The following NAA30 variants were observed in gnomAD, a reference collection of about 807,000 sequenced individuals.
NAA30 encodes the protein N-alpha-acetyltransferase 30.
NAA30 carries 5 observed loss-of-function variants against 31.4 expected under a neutral mutation model. The ratio of observed to expected loss-of-function variants is 0.16; its 90% confidence interval spans 0.08 to 0.33. The LOEUF (loss-of-function observed/expected upper bound fraction) is 0.33, where lower values mean the gene tolerates loss of function less well. NAA30 is among the 10% of genes least tolerant of loss of function. The probability of loss-of-function intolerance (pLI) is 1.00; values close to 1 mark genes in which losing one functional copy is unlikely to be tolerated. For missense variants in NAA30, 428 were observed against 490.8 expected, an observed-to-expected ratio of 0.87 and a Z score of 1.21; for synonymous variants, 222 against 207.1, an observed-to-expected ratio of 1.07 and a Z score of -0.62.
chr14:57,407,520 A>G (rs1263095940), intron 4 of NAA30, among the ~76,000 whole-genome samples: 1 of 152,202 alleles, frequency 6.6e-6, no homozygotes, highest in Non-Finnish European at 1.5e-5. Flanking sequence ...AGAGGAGGAT[A>G]GGAAGAGCAT....
At chr14:57,393,757 A>G (rs1281139685) in intron 2 of NAA30, among the ~76,000 whole-genome samples, 2 of 152,058 alleles carry the variant, frequency 1.3e-5, no homozygotes, top group Non-Finnish European at 2.9e-5. Flanking sequence ...GATTGAAAAG[A>G]AGTTAAGAAC....
chr14:57,399,502 C>T (rs182119876), intron 3 of NAA30, among the ~76,000 whole-genome samples: 2 of 152,286 alleles, frequency 1.3e-5, no homozygotes, highest in Non-Finnish European at 2.9e-5. Context: ...TCTGGCCATA[C>T]CATATCTTGT....
rs1876121921 is a variant in NAA30 at position 57,410,237 on chromosome 14, T to C, written c.*721T>C. 6.6e-6 allele frequency: 1 copy of C among 152,650 alleles called. No homozygotes were observed. Among genetic ancestry groups the C allele is most frequent in the Admixed American group, 6.5e-5 (1 of 15,282 alleles). 9.5% of individuals were successfully genotyped at this position (152,650 alleles called of 1,614,324 possible). ...TTATTTCAGATTTTTATAATTTGGA[T>C]ACTTTTTTCAGGTGAATGAAAGAAT... On this transcript the variant is annotated 3_prime_UTR_variant, in exon 5 of 5. Coordinates refer to ENST00000556492, the MANE Select transcript of NAA30 (RefSeq NM_001011713.3).
chr14:57,403,508 T>C (rs991125434), intron 4 of NAA30, among the ~76,000 whole-genome samples: 1 of 152,234 alleles, frequency 6.6e-6, no homozygotes, highest in African/African-American at 2.4e-5. Flanking sequence ...TCCCAACTTT[T>C]CATATCAGAA....
At chr14:57,405,343 T>TA (rs537952446) in intron 4 of NAA30, among the ~76,000 whole-genome samples, 125 of 151,928 alleles carry the variant, frequency 8.2e-4, no homozygotes, top group African/African-American at 2.8e-3. Context: ...TTTCCCCCAT[T>TA]ATAAAAGGTT....
chr14:57,391,494 G>A lies in NAA30; in HGVS notation c.537G>A (p.Glu179=), dbSNP rs781153687. The A allele has an allele frequency of 1.4e-5, 22 of 1,613,140 alleles. 1 individual carries two copies. In the South Asian group the frequency reaches 2.2e-4, roughly 16 times the overall value. ...AGGGCACCGAGCAGGAGGAGGAGGA[G>A]GAAGACGAGCAGGTGCGGCTGCTGT... ...LAEGTEQEEE[E]EDEQVRLLSS... Residue 179 remains glutamate, a synonymous_variant, in exon 2 of 5, where the codon GAG becomes GAA. Coordinates refer to ENST00000556492, the MANE Select transcript of NAA30 (RefSeq NM_001011713.3). This position sits in a 1 kb window ranked among gnomAD's most constrained non-coding sequence, Gnocchi z 4.1.
At chr14:57,405,033 G>A (rs1165436416) in intron 4 of NAA30, among the ~76,000 whole-genome samples, 3 of 151,938 alleles carry the variant, frequency 2.0e-5, no homozygotes, top group Admixed American at 6.6e-5. Flanking sequence ...TGTAACTTGC[G>A]GCAGACTGTT....
At position 57,391,132 on chromosome 14, in the gene NAA30, G is replaced by T; in HGVS notation, c.175G>T (p.Gly59Ter). 1 of 1,579,024 alleles carries T rather than the reference G, an allele frequency of 6.3e-7. No individual in the cohort carries two copies. Residue 59 changes from glycine to a stop codon, truncating the protein, a stop_gained, in exon 2 of 5, where the codon GGA becomes TGA. Coordinates refer to ENST00000556492, the MANE Select transcript of NAA30 (RefSeq NM_001011713.3). LOFTEE classifies it high-confidence loss of function. This position sits in a 1 kb window ranked among gnomAD's most constrained non-coding sequence, Gnocchi z 4.1. Reference sequence around the variant, plus strand: ...CGGCGGCAGCAGGAGCCCGGCGGGCGGAGAGTCGGCGACGGTGGCGGCCAA... The same window carrying T: ...CGGCGGCAGCAGGAGCCCGGCGGGCTGAGAGTCGGCGACGGTGGCGGCCAA... ...EGGGSRSPAG[G>*]ESATVAAKGH... is the part of the protein sequence containing the mutation.
At position 57,411,864 on chromosome 14, in the gene NAA30, G is replaced by C. The variant is rs1007729555; in HGVS notation, c.*2348G>C. 5 of 152,114 alleles carry C rather than the reference G, an allele frequency of 3.3e-5. No individual in the cohort carries two copies. The highest frequency in any genetic ancestry group is 1.2e-4 in the African/African-American group (5 of 41,428). The allele number at this position is 152,114 out of a possible 1,614,324, so 9.4% of individuals were successfully genotyped here. A position where few individuals can be genotyped will look rare whatever the true frequency, so the allele number is the denominator to read the frequency against. The stretch of plus-strand genomic sequence containing the variant: ...AACAGTAATTTACTTTTTGATAATA[G>C]GCTGTTGTTTTTCTTAAATAAGCTT... On this transcript the variant is annotated 3_prime_UTR_variant, in exon 5 of 5. Coordinates refer to ENST00000556492, the MANE Select transcript of NAA30 (RefSeq NM_001011713.3).
chr14:57,414,760 GCATAGTAAACACCTGGA>G lies in NAA30; in HGVS notation c.*5247_*5263del, dbSNP rs11268609. On this transcript the variant is annotated 3_prime_UTR_variant, in exon 5 of 5. Coordinates refer to ENST00000556492, the MANE Select transcript of NAA30 (RefSeq NM_001011713.3). ...TAGTTCATCAAAAGAGCAGAAATAG[GCATAGTAAACACCTGGA>G]CACAAAGACAGTGCCAGGCTTGGTA... is the stretch of plus-strand genomic sequence containing the variant. 106,294 of 152,094 alleles carry G rather than the reference GCATAGTAAACACCTGGA, an allele frequency of 0.7. 44,047 individuals are homozygous for G. Among genetic ancestry groups the G allele is most frequent in the Non-Finnish European group, 0.89 (60,538 of 67,954 alleles). The allele number at this position is 152,094 out of a possible 1,614,324, so 9.4% of individuals were successfully genotyped here. A position where few individuals can be genotyped will look rare whatever the true frequency, so the allele number is the denominator to read the frequency against.
chr14:57,402,137 T>C (rs1468654802), intron 4 of NAA30, among the ~76,000 whole-genome samples: 1 of 152,240 alleles, frequency 6.6e-6, no homozygotes, highest in East Asian at 1.9e-4. Context: ...GTTTACTCTT[T>C]AGAAGATATG....
rs953735653 is a variant in NAA30 at position 57,390,809 on chromosome 14, G to T, written c.-2+104G>T. ...GCTGGGCGGCGCTGAAGAGCGGGGG[G>T]GTGGCGGGGAATTGGGGGGCAGCTC... On this transcript the variant is annotated intron_variant, in intron 1 of 4. Coordinates refer to ENST00000556492, the MANE Select transcript of NAA30 (RefSeq NM_001011713.3). 23 of 722,084 alleles carry T rather than the reference G, an allele frequency of 3.2e-5. No individual in the cohort carries two copies. The African/African-American group carries it at 3.2e-4, about 10-fold the overall frequency. The allele number at this position is 722,084 out of a possible 1,614,324, so 44.7% of individuals were successfully genotyped here. A position where few individuals can be genotyped will look rare whatever the true frequency, so the allele number is the denominator to read the frequency against.
chr14:57,391,834 C>G lies in NAA30; in HGVS notation c.771+106C>G. The G allele has an allele frequency of 3.6e-6, 3 of 830,520 alleles. No individual in the cohort carries two copies. The highest frequency in any genetic ancestry group is 1.6e-5 in the South Asian group (1 of 60,996). The allele number at this position is 830,520 out of a possible 1,614,324, so 51.4% of individuals were successfully genotyped here. A position where few individuals can be genotyped will look rare whatever the true frequency, so the allele number is the denominator to read the frequency against. On this transcript the variant is annotated intron_variant, in intron 2 of 4. Transcript: ENST00000556492. This position sits in a 1 kb window ranked among gnomAD's most constrained non-coding sequence, Gnocchi z 4.1. ...GCAGTGGATATCTCCTGCTGCGTAT[C>G]ATAGTACGTTATATGATGTCAAGTG...
At chr14:57,406,438 A>G (rs951342151) in intron 4 of NAA30, among the ~76,000 whole-genome samples, 2 of 152,330 alleles carry the variant, frequency 1.3e-5, no homozygotes, top group African/African-American at 4.8e-5. Context: ...GGTACAGTAG[A>G]GTAGTTACTA....
intron 3 of NAA30, among the ~76,000 whole-genome samples, chr14:57,398,878 C>G (rs2066462067): frequency 6.6e-6 from 1 of 152,112 alleles, no homozygotes; most frequent in Non-Finnish European, 1.5e-5. Flanking sequence ...CTCCGGTGAT[C>G]CGCCCACCTT....
chr14:57,392,599 A>G (rs1359446052), intron 2 of NAA30, among the ~76,000 whole-genome samples: 2 of 152,226 alleles, frequency 1.3e-5, no homozygotes, highest in African/African-American at 2.4e-5. Context: ...TTCAGTCTGT[A>G]TGAACCCTTT....
chr14:57,390,954 T>C lies in NAA30; in HGVS notation c.-1-3T>C. 1.4e-6 allele frequency: 2 copies of C among 1,476,440 alleles called. No individual in the cohort carries two copies. The highest frequency in any genetic ancestry group is 8.9e-7 in the Non-Finnish European group (1 of 1,119,440). 91.5% of individuals were successfully genotyped at this position (1,476,440 alleles called of 1,614,324 possible). ...CTCCCCTCTCGGTCTGTGTCGCTTC[T>C]AGGATGGCGGAGGTACCGCCTGGGC... On this transcript the variant is annotated splice_region_variant and splice_polypyrimidine_tract_variant and intron_variant, in intron 1 of 4. Transcript: ENST00000556492.
At chr14:57,396,131 C>T (rs980500357) in intron 2 of NAA30, among the ~76,000 whole-genome samples, 1 of 152,118 alleles carries the variant, frequency 6.6e-6, no homozygotes, top group Non-Finnish European at 1.5e-5. Context: ...CATGCCACCA[C>T]ACCTGGCTAA....
intron 4 of NAA30, 23 bp from the exon 5 acceptor site, chr14:57,409,356 G>GT: frequency 1.3e-6 from 2 of 1,563,656 alleles, no homozygotes; most frequent in South Asian, 1.2e-5. Flanking sequence ...TTATAACTTA[G>GT]TTTTTTTCTC....
Sources: gnomAD v4.1 joint callset for allele counts (sites outside exome capture counted in the v4.1 genomes callset) on GRCh38, gnomAD v4.1.1 for gene constraint, Gnocchi (gnomAD v3.1) non-coding constraint, MANE v1.5 for transcripts, NCBI Gene and HGNC (gene_info 2026-07-23, HGNC 2026-07-21) for gene names.